PAQR3: variants seen among roughly 807,000 people sequenced by gnomAD.
PAQR3 encodes the protein Raf kinase trapping to Golgi.
Under a neutral mutation model 41.7 loss-of-function variants are expected in PAQR3, and 39 were observed. That is an observed-to-expected ratio of 0.93 (90% CI 0.72 to 1.22). The LOEUF is 1.22. Ranked by LOEUF, PAQR3 falls within the 50% of genes most tolerant of loss-of-function variation. The probability of loss-of-function intolerance (pLI) is 0.00; values close to 1 mark genes in which losing one functional copy is unlikely to be tolerated. For missense variants in PAQR3, 366 were observed against 385.6 expected, an observed-to-expected ratio of 0.95 and a Z score of 0.42; for synonymous variants, 140 against 140.6, an observed-to-expected ratio of 1.00 and a Z score of 0.03.
chr4:78,912,183 A>C lies in PAQR3; in HGVS notation c.*8356T>G. The C allele has an allele frequency of 2.7e-6, 2 of 727,826 alleles. No individual in the cohort carries two copies. 45.1% of individuals were successfully genotyped at this position (727,826 alleles called of 1,614,324 possible). On this transcript the variant is annotated 3_prime_UTR_variant, in exon 6 of 6. Coordinates refer to ENST00000512733, the MANE Select transcript of PAQR3 (RefSeq NM_001040202.2). ...ATTTCTAAATAAACCAAATAGAAGA[A>C]TGAAGTATCTCTACAGGGTAGTAAC...
intron 11 of PAQR3, among the ~76,000 whole-genome samples, chr4:78,895,330 G>A (rs901357298): frequency 6.6e-6 from 1 of 152,118 alleles, no homozygotes; most frequent in Non-Finnish European, 1.5e-5. Context: ...TAGGGTTTAA[G>A]GTACAGATTT....
chr4:78,934,678 C>G (rs1228628444), intron 2 of PAQR3, among the ~76,000 whole-genome samples: 1 of 151,992 alleles, frequency 6.6e-6, no homozygotes, highest in Non-Finnish European at 1.5e-5. Context: ...ATTAAAGCAA[C>G]AGAGTAAAAA....
At chr4:78,928,962 C>A (rs1386199745) in intron 3 of PAQR3, among the ~76,000 whole-genome samples, 2 of 152,212 alleles carry the variant, frequency 1.3e-5, no homozygotes, top group African/African-American at 4.8e-5. Context: ...GTGCAGTTCA[C>A]AATAGGGTTC....
downstream of PAQR3, among the ~76,000 whole-genome samples, chr4:78,907,009 G>A (rs1315597984): frequency 1.3e-5 from 2 of 152,026 alleles, no homozygotes; most frequent in Non-Finnish European, 2.9e-5. Context: ...TACTAAAAAA[G>A]GAGGGTTTCC....
chr4:78,918,039 C>G lies in PAQR3; in HGVS notation c.*2500G>C. 1 of 979,580 alleles carries G rather than the reference C, an allele frequency of 1.0e-6. No individual in the cohort carries two copies. The allele number at this position is 979,580 out of a possible 1,614,324, so 60.7% of individuals were successfully genotyped here. Reference sequence around the variant, plus strand: ...ACAAAAAAAGACAAGCACTGTCTTGCTATTTGAAAATGGCTTAATATAGAA... The same window carrying G: ...ACAAAAAAAGACAAGCACTGTCTTGGTATTTGAAAATGGCTTAATATAGAA... On this transcript the variant is annotated 3_prime_UTR_variant, in exon 6 of 6. Transcript: ENST00000512733.
At chr4:78,909,191 A>C (rs575461533), downstream of PAQR3, among the ~76,000 whole-genome samples, 2 of 151,240 alleles carry the variant, frequency 1.3e-5, no homozygotes, top group Non-Finnish European at 3.0e-5. Context: ...GCACCTGCCA[A>C]CATGCCTGGC....
chr4:78,917,402 A>G lies in PAQR3; in HGVS notation c.*3137T>C, dbSNP rs1735184093. 6.6e-6 allele frequency: 1 copy of G among 151,900 alleles called. No homozygotes were observed. Among genetic ancestry groups the G allele is most frequent in the Non-Finnish European group, 1.5e-5 (1 of 67,872 alleles). 9.4% of individuals were successfully genotyped at this position (151,900 alleles called of 1,614,324 possible). Reference sequence around the variant, plus strand: ...TAAGGATGGAGGTTAATTTTTCACAAGAAACCCCCTACTGCTATTTACCTC... The same window carrying G: ...TAAGGATGGAGGTTAATTTTTCACAGGAAACCCCCTACTGCTATTTACCTC... On this transcript the variant is annotated 3_prime_UTR_variant, in exon 6 of 6. Transcript: ENST00000512733.
At chr4:78,898,624 C>A (rs1198242149) in intron 11 of PAQR3, among the ~76,000 whole-genome samples, 3 of 149,808 alleles carry the variant, frequency 2.0e-5, no homozygotes, top group Non-Finnish European at 3.0e-5. Flanking sequence ...TGTTTAAAGT[C>A]CTTCCATTGG....
intron 5 of PAQR3, chr4:78,923,642 A>G (rs961247139): frequency 1.8e-6 from 1 of 566,450 alleles, no homozygotes; most frequent in Admixed American, 3.3e-5. Flanking sequence ...ACCATAAAAC[A>G]GTGACAACAC....
intron 11 of PAQR3, among the ~76,000 whole-genome samples, chr4:78,890,634 C>A (rs1733384275): frequency 6.6e-6 from 1 of 152,000 alleles, no homozygotes; most frequent in Non-Finnish European, 1.5e-5. Context: ...TTTTTATGTA[C>A]CCTATCATTG....
rs1735013333 is a variant in PAQR3 at position 78,915,884 on chromosome 4, G to C, written c.*4655C>G. 2 of 151,906 alleles carry C rather than the reference G, an allele frequency of 1.3e-5. No individual in the cohort carries two copies. The highest frequency in any genetic ancestry group is 1.3e-4 in the Admixed American group (2 of 15,206). 9.4% of individuals were successfully genotyped at this position (151,906 alleles called of 1,614,324 possible). A position where few individuals can be genotyped will look rare whatever the true frequency, so the allele number is the denominator to read the frequency against. On this transcript the variant is annotated 3_prime_UTR_variant, in exon 6 of 6. Transcript: ENST00000512733. ...ACTATGCTCTTTTTGTGATTGAAAA[G>C]TCATCTAATAGAAGCTGTATAGAAG...
At chr4:78,926,480 G>C in intron 4 of PAQR3, 41 bp downstream of exon 4, 1 of 1,125,852 alleles carries the variant, frequency 8.9e-7, no homozygotes, top group Non-Finnish European at 1.2e-6. Flanking sequence ...AAATTGAAAG[G>C]AAAAAAAAAA....
intron 2 of PAQR3, 87 bp downstream of exon 2, chr4:78,935,034 G>A: frequency 7.9e-7 from 1 of 1,259,758 alleles, no homozygotes. Flanking sequence ...TTTAAAGCAA[G>A]TGGTAGGTCT....
rs1379046252 is a variant in PAQR3, at chr4:78,935,286, G to A, written c.186-3C>T. 1 of 1,607,078 alleles carries A rather than the reference G, an allele frequency of 6.2e-7. No individual in the cohort carries two copies. ...TCTCATTAGATAAAATAAACAAACT[G>A]GAAAATAAACACACATGCAACTGAG... On this transcript the variant is annotated splice_polypyrimidine_tract_variant and splice_region_variant and intron_variant, in intron 1 of 5. Coordinates refer to ENST00000512733, the MANE Select transcript of PAQR3 (RefSeq NM_001040202.2).
At chr4:78,905,716 A>G (rs1734250734) in intron 11 of PAQR3, among the ~76,000 whole-genome samples, 1 of 152,046 alleles carries the variant, frequency 6.6e-6, no homozygotes, top group Non-Finnish European at 1.5e-5. Context: ...CAGTGAAATA[A>G]TCCTGATTAA....
At chr4:78,899,351 A>G (rs1056434365) in intron 11 of PAQR3, among the ~76,000 whole-genome samples, 2 of 152,166 alleles carry the variant, frequency 1.3e-5, no homozygotes, top group African/African-American at 4.8e-5. Context: ...GGGAGAATAT[A>G]GGGTAGGTCA....
At chr4:78,904,652 T>G (rs1242965500) in intron 11 of PAQR3, among the ~76,000 whole-genome samples, 1 of 151,928 alleles carries the variant, frequency 6.6e-6, no homozygotes, top group Non-Finnish European at 1.5e-5. Flanking sequence ...AAGATGGGGA[T>G]TTGCTCTCAT....
chr4:78,904,656 C>T (rs555795585), intron 11 of PAQR3, among the ~76,000 whole-genome samples: 2 of 152,000 alleles, frequency 1.3e-5, no homozygotes, highest in South Asian at 4.1e-4. Context: ...TGGGGATTTG[C>T]TCTCATTTTC....
In PAQR3 at chr4:78,919,928, T is replaced by A. The variant is rs1735492176; in HGVS notation, c.*611A>T. ...CTTCTCAACCCTTCTCTCAACTTACTGCAGAAGTTTAAAGCTTTTGTTCTG... is the reference window on the plus strand; with the variant it reads ...CTTCTCAACCCTTCTCTCAACTTACAGCAGAAGTTTAAAGCTTTTGTTCTG... On this transcript the variant is annotated 3_prime_UTR_variant, in exon 6 of 6. Coordinates refer to ENST00000512733, the MANE Select transcript of PAQR3 (RefSeq NM_001040202.2). 1 of 985,102 alleles carries A rather than the reference T, an allele frequency of 1.0e-6. No homozygotes were observed. Among genetic ancestry groups the A allele is most frequent in the East Asian group, 1.1e-4 (1 of 8,826 alleles). 61.0% of individuals were successfully genotyped at this position (985,102 alleles called of 1,614,324 possible). A position where few individuals can be genotyped will look rare whatever the true frequency, so the allele number is the denominator to read the frequency against.
Sources: gnomAD v4.1 joint callset for allele counts (sites outside exome capture counted in the v4.1 genomes callset) on GRCh38, gnomAD v4.1.1 for gene constraint, MANE v1.5 for transcripts, NCBI Gene and HGNC (gene_info 2026-07-23, HGNC 2026-07-21) for gene names.